ANKRD28: variants seen among roughly 807,000 people sequenced by gnomAD.
ANKRD28 encodes the protein ankyrin repeat domain 28.
A neutral mutation model predicts 126.5 loss-of-function variants in ANKRD28; 44 were observed. That is an observed-to-expected ratio of 0.35 (90% CI 0.27 to 0.45). ANKRD28 has a LOEUF of 0.45. Among genes scored for constraint, ANKRD28 ranks in the 20% least tolerant of loss-of-function variants. The pLI, the probability that ANKRD28 is intolerant of heterozygous loss-of-function variation, is 1.00. For synonymous variants in ANKRD28, 442 were observed against 468.5 expected (o/e 0.94, Z 0.73); for missense variants, 1,110 against 1,316.6 (o/e 0.84, Z 2.43).
At chr3:15,813,047 C>CTTT (rs34610698) in intron 1 of ANKRD28, among the ~76,000 whole-genome samples, 2 of 137,496 alleles carry the variant, frequency 1.5e-5, no homozygotes. Flanking sequence ...TAATCACCTC[C>CTTT]TTTTTTTTTT....
At chr3:15,708,663 G>A (rs2126034620) in intron 13 of ANKRD28, among the ~76,000 whole-genome samples, 1 of 152,164 alleles carries the variant, frequency 6.6e-6, no homozygotes, top group Admixed American at 6.5e-5. Context: ...TAAAAATATT[G>A]CATTCCAAAG....
chr3:15,754,305 C>T (rs2058040898), intron 3 of ANKRD28, among the ~76,000 whole-genome samples: 1 of 152,156 alleles, frequency 6.6e-6, no homozygotes, highest in African/African-American at 2.4e-5. Flanking sequence ...ATGCCATTCA[C>T]CCTTTCCTTA....
At chr3:15,724,557 A>G in intron 6 of ANKRD28, 33 bp from the exon 7 acceptor site, 3 of 1,527,578 alleles carry the variant, frequency 2.0e-6, no homozygotes, top group Non-Finnish European at 2.6e-6. Context: ...AAAAATAGAG[A>G]TGAGCATATG....
intron 2 of ANKRD28, among the ~76,000 whole-genome samples, chr3:15,789,992 G>T (rs1054301821): frequency 6.6e-6 from 1 of 151,968 alleles, no homozygotes; most frequent in Non-Finnish European, 1.5e-5. Flanking sequence ...AAATCCAAAG[G>T]CTTGTTAGTG....
chr3:15,761,574 A>G (rs1163032761), intron 3 of ANKRD28, among the ~76,000 whole-genome samples: 1 of 152,326 alleles, frequency 6.6e-6, no homozygotes, highest in African/African-American at 2.4e-5. Flanking sequence ...GAGCATCTAT[A>G]CAGAACCTTA....
At chr3:15,750,327 A>C (rs554199979) in intron 4 of ANKRD28, among the ~76,000 whole-genome samples, 16 of 152,312 alleles carry the variant, frequency 1.1e-4, no homozygotes, top group Admixed American at 9.8e-4. Flanking sequence ...CTTTATGGAG[A>C]GCTAACCACA....
intron 4 of ANKRD28, among the ~76,000 whole-genome samples, chr3:15,748,208 G>A (rs151258662): frequency 0.055 from 8,401 of 152,224 alleles, 671 homozygotes; most frequent in African/African-American, 0.18. Context: ...GTATTGAGAT[G>A]TGAGGTACTA....
At chr3:15,707,788 C>A in intron 14 of ANKRD28, 136 bp downstream of exon 14, 1 of 1,059,724 alleles carries the variant, frequency 9.4e-7, no homozygotes, top group Non-Finnish European at 1.3e-6. Context: ...CAATCTATTT[C>A]CCAAAATAGA....
chr3:15,702,073 C>G (rs558782678), intron 14 of ANKRD28, among the ~76,000 whole-genome samples: 1 of 152,146 alleles, frequency 6.6e-6, no homozygotes, highest in Admixed American at 6.5e-5. Flanking sequence ...TTTTGCTAAA[C>G]AATATAAATT....
At chr3:15,826,924 G>A (rs941880356) in intron 1 of ANKRD28, among the ~76,000 whole-genome samples, 3 of 152,112 alleles carry the variant, frequency 2.0e-5, no homozygotes, top group Non-Finnish European at 4.4e-5. Flanking sequence ...ATGCAAGTAC[G>A]GTATGCCTGT....
At position 15,833,927 on chromosome 3, in the gene ANKRD28, T is replaced by C. The variant is rs879549747; in HGVS notation, c.27+25450A>G. Among the ~76,000 whole-genome samples the C allele has an allele frequency of 5.3e-5, 8 of 152,196 alleles. No homozygotes were observed. Among genetic ancestry groups the C allele is most frequent in the Non-Finnish European group, 1.0e-4 (7 of 68,034 alleles). ...GTCTGTTTGTGTTATTTGCCCATTT[T>C]TTAATGTTTGTTTTTTTCTTAAGTT... is the stretch of plus-strand genomic sequence containing the variant. On this transcript the variant is annotated intron_variant, in intron 1 of 27. Transcript: ENST00000399451. This position sits in a 1 kb window ranked among gnomAD's most constrained non-coding sequence, Gnocchi z 4.4.
chr3:15,793,998 A>T (rs2060156118), intron 2 of ANKRD28, among the ~76,000 whole-genome samples: 4 of 152,138 alleles, frequency 2.6e-5, no homozygotes, highest in Admixed American at 2.0e-4. Context: ...TGAACCCGGG[A>T]GGCAGAGGTT....
At chr3:15,748,277 T>C (rs764421119) in intron 4 of ANKRD28, among the ~76,000 whole-genome samples, 11 of 152,212 alleles carry the variant, frequency 7.2e-5, no homozygotes, top group Non-Finnish European at 1.6e-4. Flanking sequence ...ATATTATTGT[T>C]ACATAGGTCT....
chr3:15,807,585 T>A (rs892443402), intron 1 of ANKRD28, among the ~76,000 whole-genome samples: 1 of 152,170 alleles, frequency 6.6e-6, no homozygotes, highest in African/African-American at 2.4e-5. Flanking sequence ...ATCTTCCTTC[T>A]CTATGAAAAG....
At chr3:15,731,245 A>G (rs1249937276) in intron 6 of ANKRD28, among the ~76,000 whole-genome samples, 1 of 152,184 alleles carries the variant, frequency 6.6e-6, no homozygotes, top group Non-Finnish European at 1.5e-5. Context: ...CACACATTCA[A>G]CTATTCTGGG....
At position 15,796,408 on chromosome 3, in the gene ANKRD28, T is replaced by C. The variant is rs2060275945; in HGVS notation, c.114A>G (p.Val38=). Residue 38 remains valine, a synonymous_variant, in exon 1 of 28, where the codon GTA becomes GTG. Transcript: ENST00000683139. Reference sequence around the variant, plus strand: ...CATATAAACTTACATATCTTACCAATACATTTCCAGAAGGTGGAGAATGTA... The same window carrying C: ...CATATAAACTTACATATCTTACCAACACATTTCCAGAAGGTGGAGAATGTA... ...KSLHSPPSGN[V]LPSLVQAIFN... 7.8e-7 allele frequency: 1 copy of C among 1,286,910 alleles called. No homozygotes were observed. Among genetic ancestry groups the C allele is most frequent in the Non-Finnish European group, 1.0e-6 (1 of 986,918 alleles). 79.7% of individuals were successfully genotyped at this position (1,286,910 alleles called of 1,614,324 possible). A position where few individuals can be genotyped will look rare whatever the true frequency, so the allele number is the denominator to read the frequency against.
At chr3:15,747,846 T>A (rs535966816) in intron 4 of ANKRD28, among the ~76,000 whole-genome samples, 126 of 152,328 alleles carry the variant, frequency 8.3e-4, no homozygotes, top group African/African-American at 2.9e-3. Context: ...GGTCTAGTAG[T>A]CACTGTTTTA....
At chr3:15,692,506 G>A (rs2068941723) in intron 17 of ANKRD28, among the ~76,000 whole-genome samples, 1 of 152,164 alleles carries the variant, frequency 6.6e-6, no homozygotes, top group Non-Finnish European at 1.5e-5. Flanking sequence ...ATAAATGGGA[G>A]CCATGATGAT....
chr3:15,820,234 T>C (rs1028762821), intron 1 of ANKRD28, among the ~76,000 whole-genome samples: 3 of 152,162 alleles, frequency 2.0e-5, no homozygotes, highest in Admixed American at 2.0e-4. Flanking sequence ...TGTGTATATA[T>C]ATGCATATAT....
Sources: gnomAD v4.1 joint callset for allele counts (sites outside exome capture counted in the v4.1 genomes callset) on GRCh38, gnomAD v4.1.1 for gene constraint, Gnocchi (gnomAD v3.1) non-coding constraint, MANE v1.5 for transcripts, NCBI Gene and HGNC (gene_info 2026-07-23, HGNC 2026-07-21) for gene names.